Variants in SASH1 observed in about 807,000 individuals in gnomAD.
SASH1 encodes SAM and SH3 domain-containing protein 1.
Under a neutral mutation model 125.2 loss-of-function variants are expected in SASH1, and 44 were observed. The observed-to-expected ratio is 0.35, with a 90% confidence interval of 0.28 to 0.45. The LOEUF (loss-of-function observed/expected upper bound fraction) is 0.45, where lower values mean the gene tolerates loss of function less well. Ranked by LOEUF, SASH1 falls within the 20% of genes least tolerant of loss-of-function variation. SASH1 has a pLI of 1.00. For synonymous variants in SASH1, 639 were observed against 649.1 expected, an observed-to-expected ratio of 0.98 and a Z score of 0.24; for missense variants, 1,426 against 1,614.5, an observed-to-expected ratio of 0.88 and a Z score of 2.00.
chr6:148,517,856 G>T (rs917897817), intron 9 of SASH1, among the ~76,000 whole-genome samples: 3 of 152,174 alleles, frequency 2.0e-5, no homozygotes, highest in Non-Finnish European at 4.4e-5. Flanking sequence ...GGATACGCAG[G>T]GTGGACTCAC....
At chr6:148,508,034 AATC>A (rs879688524) in intron 8 of SASH1, among the ~76,000 whole-genome samples, 10 of 152,202 alleles carry the variant, frequency 6.6e-5, no homozygotes, top group Non-Finnish European at 1.2e-4. Context: ...AAAATTAAAT[AATC>A]ATCTTGTGAC....
chr6:148,460,598 C>T (rs1777570312), intron 4 of SASH1, among the ~76,000 whole-genome samples: 1 of 152,112 alleles, frequency 6.6e-6, no homozygotes, highest in Non-Finnish European at 1.5e-5. Context: ...ATGTAAGTGC[C>T]TATATTGAAA....
the SASH1 span, among the ~76,000 whole-genome samples, chr6:148,255,229 C>T: frequency 3.3e-5 from 5 of 152,132 alleles, no homozygotes; most frequent in Admixed American, 6.5e-5. Context: ...GCTGGAAGTC[C>T]AAGACCAAGG....
upstream of SASH1, among the ~76,000 whole-genome samples, chr6:148,339,588 G>T (rs1028744838): frequency 6.6e-6 from 1 of 151,596 alleles, no homozygotes; most frequent in African/African-American, 2.4e-5. Context: ...ATGGAGTCTC[G>T]CTCTGTCGTC....
rs1186297950 is a variant in SASH1 at position 148,544,175 on chromosome 6, A to G, written c.2705A>G (p.Glu902Gly). Residue 902 changes from glutamate (E) to glycine (G), a missense_variant, in exon 18 of 20, where the codon GAA (glutamate) becomes GGA (glycine). Physicochemically the swap from Glu to Gly is moderately conservative, Grantham distance 98. Coordinates refer to ENST00000367467, the MANE Select transcript of SASH1 (RefSeq NM_015278.5). The surrounding 1 kb of genome is among the most constrained non-coding windows in gnomAD (Gnocchi z 6.4). ...CTGACCCAAAGCAAGAGATTTTCTG[A>G]ACCTCAGAAATTGACAACTAAGAAA... Reference protein sequence around the residue: ...LLLTQSKRFSEPQKLTTKKLE... With the variant: ...LLLTQSKRFSGPQKLTTKKLE... 6.2e-7 allele frequency: 1 copy of G among 1,614,178 alleles called. No individual in the cohort carries two copies. The highest frequency in any genetic ancestry group is 1.1e-5 in the South Asian group (1 of 91,084).
At chr6:148,393,786 A>G (rs1783830717) in intron 2 of SASH1, 5 of 917,474 alleles carry the variant, frequency 5.4e-6, no homozygotes, top group Non-Finnish European at 6.5e-6. Flanking sequence ...AGTAAAATTG[A>G]TGGGAGCTGA....
the SASH1 span, among the ~76,000 whole-genome samples, chr6:148,250,410 C>G: frequency 6.6e-6 from 1 of 152,128 alleles, no homozygotes; most frequent in South Asian, 2.1e-4. Flanking sequence ...AGAGATCCAT[C>G]ATTCAGCTAA....
At chr6:148,424,453 G>T (rs899051585) in intron 2 of SASH1, among the ~76,000 whole-genome samples, 5 of 152,016 alleles carry the variant, frequency 3.3e-5, no homozygotes, top group African/African-American at 1.2e-4. Flanking sequence ...TCAAACTCCT[G>T]ACCTCAAGTT....
chr6:148,234,184 C>G, the SASH1 span, among the ~76,000 whole-genome samples: 7 of 151,936 alleles, frequency 4.6e-5, no homozygotes, highest in Non-Finnish European at 8.8e-5. Flanking sequence ...ACCACAGGCA[C>G]TGGCTTCACC....
intron 1 of SASH1, among the ~76,000 whole-genome samples, chr6:148,352,369 G>A (rs961198045): frequency 1.3e-4 from 19 of 151,582 alleles, no homozygotes; most frequent in African/African-American, 3.4e-4. Context: ...AGGCCAAGGC[G>A]GTGGATCACC....
chr6:148,526,672 C>G (rs57343948), intron 11 of SASH1, among the ~76,000 whole-genome samples: 2,669 of 152,090 alleles, frequency 0.018, 89 homozygotes, highest in African/African-American at 0.061. Flanking sequence ...TGAGAGATGA[C>G]CACAATCTAG....
chr6:148,447,630 T>TCTC (rs909467216), intron 4 of SASH1, among the ~76,000 whole-genome samples: 7 of 151,158 alleles, frequency 4.6e-5, no homozygotes, highest in East Asian at 2.0e-4. Context: ...TCCCCTTCCT[T>TCTC]CTCCTCCTCC....
chr6:148,436,489 A>T (rs1776295088), intron 2 of SASH1, among the ~76,000 whole-genome samples: 1 of 151,964 alleles, frequency 6.6e-6, no homozygotes, highest in Non-Finnish European at 1.5e-5. Context: ...TGGGCAACAG[A>T]ATGAGACCTT....
the SASH1 span, among the ~76,000 whole-genome samples, chr6:148,236,282 T>G: frequency 1.3e-5 from 2 of 152,066 alleles, no homozygotes; most frequent in Non-Finnish European, 2.9e-5. Context: ...TGGCACGATC[T>G]CGGCTCACTG....
At chr6:148,475,704 A>G (rs55762695) in intron 7 of SASH1, among the ~76,000 whole-genome samples, 6,593 of 152,230 alleles carry the variant, frequency 0.043, 178 homozygotes, top group Admixed American at 0.073. Flanking sequence ...AATGGCACAC[A>G]TATACTCAGT....
At chr6:148,254,751 G>A in the SASH1 span, among the ~76,000 whole-genome samples, 6 of 152,286 alleles carry the variant, frequency 3.9e-5, no homozygotes, top group East Asian at 9.6e-4. Flanking sequence ...CTCATTCATT[G>A]CTGGTGAGAA....
At chr6:148,421,339 T>C (rs1785094541) in intron 2 of SASH1, among the ~76,000 whole-genome samples, 1 of 152,348 alleles carries the variant, frequency 6.6e-6, no homozygotes, top group Middle Eastern at 3.4e-3. Flanking sequence ...AGTCTCGCTC[T>C]GTTACCTGGG....
intron 8 of SASH1, among the ~76,000 whole-genome samples, chr6:148,491,821 T>C (rs577912107): frequency 1.3e-5 from 2 of 152,302 alleles, no homozygotes; most frequent in African/African-American, 4.8e-5. Flanking sequence ...TTACCGTTTA[T>C]AATAATAAAT....
intron 9 of SASH1, among the ~76,000 whole-genome samples, chr6:148,518,547 C>T (rs921373909): frequency 1.3e-5 from 2 of 152,156 alleles, no homozygotes; most frequent in African/African-American, 2.4e-5. Context: ...CTGGCGCCCT[C>T]GTCCCAGCTG....
Sources: allele counts gnomAD v4.1 joint callset (sites outside exome capture counted in the v4.1 genomes callset), GRCh38; gene constraint gnomAD v4.1.1; non-coding constraint Gnocchi (gnomAD v3.1); transcripts MANE v1.5; gene names NCBI Gene and HGNC (gene_info 2026-07-23, HGNC 2026-07-21).